The following NFYC variants were observed in gnomAD, a reference collection of about 807,000 sequenced individuals.
NFYC encodes the protein nuclear transcription factor Y subunit gamma.
Under a neutral mutation model 53.1 loss-of-function variants are expected in NFYC, and 25 were observed. The ratio of observed to expected loss-of-function variants is 0.47; its 90% CI spans 0.34 to 0.66. The LOEUF (loss-of-function observed/expected upper bound fraction) is 0.66. Among genes scored for constraint, NFYC ranks in the 30% least tolerant of loss-of-function variants. NFYC has a pLI of 0.01. For synonymous variants in NFYC, 145 were observed against 152.6 expected (o/e 0.95, Z 0.37); for missense variants, 260 against 422.7 (o/e 0.62, Z 3.38).
At chr1:40,720,093 T>A (rs1644275752) in intron 1 of NFYC, among the ~76,000 whole-genome samples, 1 of 152,184 alleles carries the variant, frequency 6.6e-6, no homozygotes, top group Admixed American at 6.5e-5. Context: ...AGTTAAGAGA[T>A]TTATGGTTTG....
intron 1 of NFYC, among the ~76,000 whole-genome samples, chr1:40,718,188 T>G (rs1402581207): frequency 6.6e-6 from 1 of 152,198 alleles, no homozygotes; most frequent in Admixed American, 6.5e-5. Flanking sequence ...AATGCAGTGT[T>G]TATATGAATA....
At chr1:40,754,502 C>T (rs1232702691) in intron 5 of NFYC, 5 of 503,442 alleles carry the variant, frequency 9.9e-6, no homozygotes, top group African/African-American at 9.8e-5. Context: ...TGCCCACAGG[C>T]TCAATTCCTC....
intron 8 of NFYC, among the ~76,000 whole-genome samples, chr1:40,768,444 C>T (rs1646926325): frequency 6.6e-6 from 1 of 152,200 alleles, no homozygotes; most frequent in Non-Finnish European, 1.5e-5. Flanking sequence ...TTCCTCATAG[C>T]CTCATGGGTA....
intron 1 of NFYC, among the ~76,000 whole-genome samples, chr1:40,705,613 A>T (rs1643658230): frequency 6.6e-6 from 1 of 152,248 alleles, no homozygotes; most frequent in African/African-American, 2.4e-5. Flanking sequence ...GTGGTTTGTT[A>T]CTGGTTAAAT....
intron 4 of NFYC, among the ~76,000 whole-genome samples, chr1:40,750,642 T>G (rs566144938): frequency 7.2e-5 from 11 of 152,298 alleles, no homozygotes; most frequent in African/African-American, 2.6e-4. Flanking sequence ...CATGTTGAAG[T>G]CACAAAATTT....
chr1:40,694,717 G>A (rs562573864), intron 1 of NFYC, among the ~76,000 whole-genome samples: 2 of 151,446 alleles, frequency 1.3e-5, no homozygotes, highest in East Asian at 3.9e-4. Context: ...TTCATTCCAT[G>A]TTAGCCCCTT....
intron 1 of NFYC, among the ~76,000 whole-genome samples, chr1:40,726,767 C>T (rs773153857): frequency 5.3e-5 from 8 of 152,222 alleles, no homozygotes; most frequent in Non-Finnish European, 1.2e-4. Flanking sequence ...TCAGTTGACT[C>T]TTCCTTTCAT....
chr1:40,696,276 G>A (rs1314302338), intron 1 of NFYC, among the ~76,000 whole-genome samples: 1 of 152,122 alleles, frequency 6.6e-6, no homozygotes, highest in African/African-American at 2.4e-5. Context: ...GCCCTCTTCG[G>A]CCTCCTGAAG....
intron 3 of NFYC, 88 bp from the exon 4 acceptor site, chr1:40,749,485 A>G (rs1039866508): frequency 3.9e-6 from 4 of 1,023,670 alleles, no homozygotes; most frequent in South Asian, 1.3e-5. Flanking sequence ...CCCTTGCCCC[A>G]TAGTCCCATG....
chr1:40,770,296 G>A lies in NFYC; in HGVS notation c.889-413G>A. 1.8e-6 allele frequency: 2 copies of A among 1,110,482 alleles called. No homozygotes were observed. Among genetic ancestry groups the A allele is most frequent in the Admixed American group, 2.6e-5 (1 of 37,980 alleles). 68.8% of individuals were successfully genotyped at this position (1,110,482 alleles called of 1,614,324 possible). A position where few individuals can be genotyped will look rare whatever the true frequency, so the allele number is the denominator to read the frequency against. The stretch of plus-strand genomic sequence containing the variant: ...TCTGAGAAAAGAAGGAGAGGAGGGG[G>A]TAATCCTACTGCCCCTGCCAGTGTA... On this transcript the variant is annotated intron_variant, in intron 9 of 9. Coordinates refer to ENST00000447388, the MANE Select transcript of NFYC (RefSeq NM_014223.5). This position sits in a 1 kb window ranked among gnomAD's most constrained non-coding sequence, Gnocchi z 5.3.
chr1:40,719,868 C>T (rs1402601963), intron 1 of NFYC, among the ~76,000 whole-genome samples: 1 of 152,180 alleles, frequency 6.6e-6, no homozygotes, highest in East Asian at 1.9e-4. Flanking sequence ...GTGAATTCTG[C>T]CAAGTTCCTC....
intron 1 of NFYC, among the ~76,000 whole-genome samples, chr1:40,717,634 A>T (rs1644186324): frequency 1.3e-5 from 2 of 152,194 alleles, no homozygotes; most frequent in African/African-American, 4.8e-5. Flanking sequence ...ACTTCCTTAG[A>T]ATCTGGTGAC....
At chr1:40,755,265 G>A (rs958341229) in intron 5 of NFYC, among the ~76,000 whole-genome samples, 1 of 152,202 alleles carries the variant, frequency 6.6e-6, no homozygotes, top group African/African-American at 2.4e-5. Flanking sequence ...TCAGCTTCTG[G>A]AAAGATTCCA....
intron 1 of NFYC, among the ~76,000 whole-genome samples, chr1:40,727,017 A>G (rs1043407335): frequency 1.3e-5 from 2 of 152,212 alleles, no homozygotes; most frequent in Admixed American, 6.5e-5. Flanking sequence ...GATTGCAGCA[A>G]TCCAGTCACA....
chr1:40,750,610 C>T (rs1415351968), intron 4 of NFYC, among the ~76,000 whole-genome samples: 1 of 152,052 alleles, frequency 6.6e-6, no homozygotes, highest in Non-Finnish European at 1.5e-5. Flanking sequence ...GCAAAAAATA[C>T]TGAGCTCCAA....
chr1:40,751,158 A>G (rs1645892510), intron 4 of NFYC, among the ~76,000 whole-genome samples: 1 of 152,240 alleles, frequency 6.6e-6, no homozygotes, highest in Non-Finnish European at 1.5e-5. Context: ...TATATAAACA[A>G]ATTCTGAGGT....
chr1:40,766,826 C>G, intron 8 of NFYC, 123 bp downstream of exon 8: 2 of 1,482,800 alleles, frequency 1.3e-6, no homozygotes, highest in South Asian at 1.2e-5. Context: ...GCACCACCCC[C>G]ACACCCTCCA....
intron 2 of NFYC, among the ~76,000 whole-genome samples, chr1:40,740,594 C>T (rs1449933915): frequency 1.3e-5 from 2 of 152,172 alleles, no homozygotes; most frequent in East Asian, 3.8e-4. Flanking sequence ...AGTCATTGTT[C>T]CTCTTCTGCA....
chr1:40,770,526 G>A lies in NFYC; in HGVS notation c.889-183G>A. Reference sequence around the variant, plus strand: ...CACCACACACCCCCCCTCACACCGGGCTGGTGCCTCCTGTGTCTGCTGCTC... The same window carrying A: ...CACCACACACCCCCCCTCACACCGGACTGGTGCCTCCTGTGTCTGCTGCTC... On this transcript the variant is annotated intron_variant, in intron 9 of 9. Transcript: ENST00000447388. The surrounding 1 kb of genome is among the most constrained non-coding windows in gnomAD (Gnocchi z 5.3). 6.4e-7 allele frequency: 1 copy of A among 1,561,918 alleles called. No homozygotes were observed. Among genetic ancestry groups the A allele is most frequent in the Non-Finnish European group, 8.7e-7 (1 of 1,152,934 alleles).
Sources: allele counts gnomAD v4.1 joint callset (sites outside exome capture counted in the v4.1 genomes callset), GRCh38; gene constraint gnomAD v4.1.1; non-coding constraint Gnocchi (gnomAD v3.1); transcripts MANE v1.5; gene names NCBI Gene and HGNC (gene_info 2026-07-23, HGNC 2026-07-21).